CAB39: variants seen among roughly 807,000 people sequenced by gnomAD.
CAB39 encodes calcium-binding protein 39.
CAB39 carries 8 observed loss-of-function variants against 40.0 expected under a neutral mutation model. The ratio of observed to expected loss-of-function variants is 0.20; its 90% CI spans 0.12 to 0.36. The LOEUF (loss-of-function observed/expected upper bound fraction) is 0.36, where lower values mean the gene tolerates loss of function less well. Ranked by LOEUF, CAB39 falls within the 10% of genes least tolerant of loss-of-function variation. The pLI is 1.00. For missense variants in CAB39, 270 were observed against 401.1 expected (o/e 0.67, Z 2.79); for synonymous variants, 156 against 141.6 (o/e 1.10, Z -0.72).
chr2:230,718,875 T>C lies in CAB39; in HGVS notation c.-44+5645T>C, dbSNP rs145453270. 6.0e-3 allele frequency among the ~76,000 whole-genome samples: 916 copies of C among 152,308 alleles called. 30 individuals carry two copies. Among genetic ancestry groups the C allele is most frequent in the Admixed American group, 0.052 (795 of 15,282 alleles). On this transcript the variant is annotated intron_variant, in intron 1 of 8. Coordinates refer to ENST00000258418, the MANE Select transcript of CAB39 (RefSeq NM_016289.4). The stretch of plus-strand genomic sequence containing the variant: ...AGTCTCTTTTCTAGGGTTTTATGGC[T>C]TATTAGCCACAGGACTGAATCTGGA...
At chr2:230,720,012 T>C (rs1172599492) in intron 1 of CAB39, among the ~76,000 whole-genome samples, 1 of 152,228 alleles carries the variant, frequency 6.6e-6, no homozygotes, top group Non-Finnish European at 1.5e-5. Flanking sequence ...TTTTCAAATG[T>C]TCTACCTTTG....
At chr2:230,728,132 G>A (rs1032387722) in intron 1 of CAB39, among the ~76,000 whole-genome samples, 10 of 152,166 alleles carry the variant, frequency 6.6e-5, no homozygotes, top group East Asian at 1.9e-4. Context: ...CCAGCTACTC[G>A]GCGGCTGAGA....
intron 1 of CAB39, among the ~76,000 whole-genome samples, chr2:230,744,422 T>C (rs1199566474): frequency 2.0e-5 from 3 of 152,140 alleles, no homozygotes; most frequent in Non-Finnish European, 4.4e-5. Context: ...GCCTCCTGGG[T>C]AACTGGGAAT....
At chr2:230,728,276 A>G (rs751220363) in intron 1 of CAB39, among the ~76,000 whole-genome samples, 12 of 152,148 alleles carry the variant, frequency 7.9e-5, no homozygotes, top group Non-Finnish European at 1.6e-4. Flanking sequence ...AAACTAGCCT[A>G]AACTCTTAAA....
chr2:230,714,940 T>C, intron 1 of CAB39, among the ~76,000 whole-genome samples: 1 of 152,252 alleles, frequency 6.6e-6, no homozygotes. Context: ...AAAAATTTTC[T>C]GCTTTTCAAA....
At chr2:230,771,440 A>T (rs1489571107) in intron 2 of CAB39, among the ~76,000 whole-genome samples, 1 of 152,206 alleles carries the variant, frequency 6.6e-6, no homozygotes, top group Non-Finnish European at 1.5e-5. Context: ...GAAGTGAAAG[A>T]GTTGTACACT....
chr2:230,803,549 T>C (rs1696131280), intron 5 of CAB39, among the ~76,000 whole-genome samples: 2 of 152,192 alleles, frequency 1.3e-5, no homozygotes, highest in Admixed American at 1.3e-4. Flanking sequence ...ATAAGCAACT[T>C]CAGCAAAGTC....
intron 2 of CAB39, among the ~76,000 whole-genome samples, chr2:230,779,623 C>A (rs1049078601): frequency 2.6e-5 from 4 of 152,224 alleles, no homozygotes; most frequent in Non-Finnish European, 4.4e-5. Flanking sequence ...CCATGTTCAA[C>A]TGAGGAAACT....
chr2:230,722,551 G>A (rs1210160918), intron 1 of CAB39, among the ~76,000 whole-genome samples: 2 of 152,244 alleles, frequency 1.3e-5, no homozygotes, highest in African/African-American at 4.8e-5. Flanking sequence ...CCTTGGTTGT[G>A]TGTTGTTGGG....
At chr2:230,775,395 C>T (rs111460395) in intron 2 of CAB39, among the ~76,000 whole-genome samples, 1 of 151,736 alleles carries the variant, frequency 6.6e-6, no homozygotes, top group African/African-American at 2.4e-5. Flanking sequence ...GTTGCCATGC[C>T]CAGCTAATTT....
chr2:230,733,498 T>G (rs970922373), intron 1 of CAB39, among the ~76,000 whole-genome samples: 1 of 152,222 alleles, frequency 6.6e-6, no homozygotes, highest in Admixed American at 6.5e-5. Flanking sequence ...CTATATGCTG[T>G]TAGCACTTCT....
At chr2:230,772,272 C>G (rs1203853788) in intron 2 of CAB39, among the ~76,000 whole-genome samples, 2 of 152,034 alleles carry the variant, frequency 1.3e-5, no homozygotes, top group Non-Finnish European at 2.9e-5. Flanking sequence ...TGCATTTCAC[C>G]AAAGGAGATA....
At chr2:230,758,796 T>G (rs1472330263) in intron 1 of CAB39, among the ~76,000 whole-genome samples, 2 of 152,216 alleles carry the variant, frequency 1.3e-5, no homozygotes, top group Non-Finnish European at 2.9e-5. Flanking sequence ...AGAAAACCAC[T>G]GATCTAAGTG....
chr2:230,722,912 T>C (rs1335986767), intron 1 of CAB39, among the ~76,000 whole-genome samples: 1 of 152,208 alleles, frequency 6.6e-6, no homozygotes, highest in Middle Eastern at 3.2e-3. Flanking sequence ...TAAAGTTGTT[T>C]TGTCTCAGTT....
intron 2 of CAB39, among the ~76,000 whole-genome samples, chr2:230,783,122 C>A (rs111717786): frequency 6.6e-6 from 1 of 152,136 alleles, no homozygotes; most frequent in South Asian, 2.1e-4. Context: ...CCACTGCGCC[C>A]GGCCCAGACT....
chr2:230,815,130 A>G (rs1027635307), intron 7 of CAB39, among the ~76,000 whole-genome samples: 10 of 152,182 alleles, frequency 6.6e-5, no homozygotes, highest in African/African-American at 1.4e-4. Flanking sequence ...TGATAGGAAC[A>G]CTCCACCGTC....
intron 1 of CAB39, among the ~76,000 whole-genome samples, chr2:230,719,233 G>A (rs1694404568): frequency 6.6e-6 from 1 of 152,132 alleles, no homozygotes; most frequent in Non-Finnish European, 1.5e-5. Context: ...AGGTAGTATT[G>A]TCCCCAACAT....
At chr2:230,739,653 C>T (rs1694843021) in intron 1 of CAB39, among the ~76,000 whole-genome samples, 1 of 152,176 alleles carries the variant, frequency 6.6e-6, no homozygotes, top group African/African-American at 2.4e-5. Context: ...CGCCACCACG[C>T]CCAGCTAATT....
intron 2 of CAB39, among the ~76,000 whole-genome samples, chr2:230,778,364 A>G (rs920376678): frequency 6.6e-6 from 1 of 152,342 alleles, no homozygotes. Flanking sequence ...GAGTACTTCA[A>G]GGACATTGCA....
Sources: gnomAD v4.1 joint callset for allele counts (sites outside exome capture counted in the v4.1 genomes callset) on GRCh38, gnomAD v4.1.1 for gene constraint, MANE v1.5 for transcripts, NCBI Gene and HGNC (gene_info 2026-07-23, HGNC 2026-07-21) for gene names.